KCNT1: variants seen among roughly 807,000 people sequenced by gnomAD.
KCNT1 encodes potassium channel subfamily T member 1.
Under a neutral mutation model 147.8 loss-of-function variants are expected in KCNT1, and 78 were observed. The observed-to-expected ratio is 0.53, with a 90% CI of 0.44 to 0.64. KCNT1 has a LOEUF of 0.64. KCNT1 is among the 30% of genes least tolerant of loss of function. The pLI is 0.00. For missense variants in KCNT1, 1,419 were observed against 1,750.3 expected (o/e 0.81, Z 3.38); for synonymous variants, 867 against 748.8 (o/e 1.16, Z -2.58).
chr9:135,724,186 G>C (rs941169370), intron 2 of KCNT1, among the ~76,000 whole-genome samples: 15 of 152,350 alleles, frequency 9.8e-5, no homozygotes, highest in African/African-American at 3.4e-4. Flanking sequence ...CCAGCCTCAG[G>C]GTCAGGCCTC....
chr9:135,775,449 C>A, intron 20 of KCNT1, 34 bp downstream of exon 20: 1 of 1,530,938 alleles, frequency 6.5e-7, no homozygotes, highest in Non-Finnish European at 9.0e-7. Context: ...CTCTGCACCC[C>A]CAGACGCCAG....
At chr9:135,736,581 C>G (rs1830346639) in intron 2 of KCNT1, 1 of 149,408 alleles carries the variant, frequency 6.7e-6, no homozygotes, top group African/African-American at 2.4e-5. Flanking sequence ...CCGCCCGGCG[C>G]CGCCCCCGCT....
At chr9:135,775,241 A>AGG (rs907537917) in intron 19 of KCNT1, 69 bp from the exon 20 acceptor site, 1 of 1,245,034 alleles carries the variant, frequency 8.0e-7, no homozygotes, top group Non-Finnish European at 1.1e-6. Context: ...CCCCAGCCCG[A>AGG]GGGGGGCCCC....
intron 1 of KCNT1, among the ~76,000 whole-genome samples, chr9:135,710,670 T>C (rs1835448788): frequency 6.6e-6 from 1 of 152,224 alleles, no homozygotes; most frequent in African/African-American, 2.4e-5. Flanking sequence ...CTGCTGTGGC[T>C]GGACATTGGT....
chr9:135,737,855 C>T (rs1048360850), intron 2 of KCNT1, among the ~76,000 whole-genome samples: 2 of 152,212 alleles, frequency 1.3e-5, no homozygotes, highest in African/African-American at 4.8e-5. Context: ...GTCCCATTTG[C>T]AGAAGAGGCG....
At chr9:135,779,501 C>T (rs1833448565) in intron 24 of KCNT1, 31 bp downstream of exon 24, 2 of 1,459,252 alleles carry the variant, frequency 1.4e-6, no homozygotes, top group East Asian at 2.3e-5. Context: ...CCAGCTGCCA[C>T]CCCAGAATCC....
intron 2 of KCNT1, among the ~76,000 whole-genome samples, chr9:135,749,703 G>A (rs1326577235): frequency 6.6e-6 from 1 of 152,228 alleles, no homozygotes; most frequent in African/African-American, 2.4e-5. Context: ...AGCACTTGCG[G>A]TGTCCTGAGC....
intron 2 of KCNT1, among the ~76,000 whole-genome samples, chr9:135,723,650 G>A (rs560141296): frequency 2.6e-5 from 4 of 152,342 alleles, no homozygotes; most frequent in South Asian, 2.1e-4. Flanking sequence ...AGCCCTGTCA[G>A]TAGGAAGGGG....
chr9:135,724,077 T>G (rs1276085497), intron 2 of KCNT1, among the ~76,000 whole-genome samples: 2 of 152,210 alleles, frequency 1.3e-5, no homozygotes, highest in Non-Finnish European at 2.9e-5. Context: ...CTCTGAATTT[T>G]TATCCATCAT....
At chr9:135,785,936 G>A (rs752321115) in intron 28 of KCNT1, 18 of 551,018 alleles carry the variant, frequency 3.3e-5, no homozygotes, top group Non-Finnish European at 5.7e-5. Flanking sequence ...TCAGCAGCCT[G>A]GCGAATCCCT....
At chr9:135,790,758 C>G (rs1445600847) in intron 29 of KCNT1, 1 of 152,462 alleles carries the variant, frequency 6.6e-6, no homozygotes. Flanking sequence ...CCCTGGGGTC[C>G]CCCGTCCTGG....
At position 135,786,224 on chromosome 9, in the gene KCNT1, T is replaced by G. The variant is rs781225639; in HGVS notation, c.3205T>G (p.Cys1069Gly). The change falls in exon 29 of 31, where the codon TGT becomes GGT. Residue 1069 changes from cysteine (C) to glycine (G), a missense_variant. By Grantham distance (159) the Cys-to-Gly change is radical. Around this residue, in one of 5 missense-constraint regions of KCNT1, gnomAD observed 306 missense variants for 294.2 expected, o/e 1.04. Transcript: ENST00000371757. The stretch of plus-strand genomic sequence containing the variant: ...CCAGATCTCGGTGAACGTGGAGGAC[T>G]GTGAGGACACACGGGAAGTGAAGGG... ...QSQISVNVEDCEDTREVKGPW... is the reference protein window; with the variant it reads ...QSQISVNVEDGEDTREVKGPW... The G allele has an allele frequency of 1.2e-6, 2 of 1,610,832 alleles. No individual in the cohort carries two copies. The highest frequency in any genetic ancestry group is 1.7e-6 in the Non-Finnish European group (2 of 1,179,238).
At chr9:135,769,603 G>T (rs1832603381) in intron 15 of KCNT1, among the ~76,000 whole-genome samples, 2 of 152,194 alleles carry the variant, frequency 1.3e-5, no homozygotes, top group South Asian at 4.1e-4. Flanking sequence ...CATGCCGGGT[G>T]CCCGGGGAAC....
At position 135,714,742 on chromosome 9, in the gene KCNT1, G is replaced by A; in HGVS notation, c.254+22G>A. The A allele has an allele frequency of 1.1e-5, 12 of 1,076,096 alleles. No homozygotes were observed. The highest frequency in any genetic ancestry group is 1.4e-5 in the Non-Finnish European group (12 of 832,414). 66.7% of individuals were successfully genotyped at this position (1,076,096 alleles called of 1,614,324 possible). On this transcript the variant is annotated intron_variant, in intron 2 of 30. Transcript: ENST00000371757. This position sits in a 1 kb window ranked among gnomAD's most constrained non-coding sequence, Gnocchi z 6.2. ...ACAGGTAGGGACCGGGCGCGGGGTGGGGGCTGGGGTCGCCGTCCCGGCGCC... is the reference window on the plus strand; with the variant it reads ...ACAGGTAGGGACCGGGCGCGGGGTGAGGGCTGGGGTCGCCGTCCCGGCGCC...
intron 2 of KCNT1, among the ~76,000 whole-genome samples, chr9:135,717,819 C>T (rs1355658799): frequency 6.6e-6 from 1 of 152,252 alleles, no homozygotes; most frequent in African/African-American, 2.4e-5. Context: ...CTCAGGGAGC[C>T]TGGCCTGAAG....
Position 135,784,516 on chromosome 9 carries a change from TCCCTCCC to T in KCNT1, c.2944-18_2944-12del. ...CTCCCTCCCTCCCTCCCTCCCTCCC[TCCCTCCC>T]TCCCTGGCCAGTCCTTCGTGAAGGA... On this transcript the variant is annotated splice_polypyrimidine_tract_variant and intron_variant, in intron 25 of 30. Coordinates refer to ENST00000371757, the MANE Select transcript of KCNT1 (RefSeq NM_020822.3). 2 of 164,474 alleles carry T rather than the reference TCCCTCCC, an allele frequency of 1.2e-5. No homozygotes were observed. Among genetic ancestry groups the T allele is most frequent in the South Asian group, 8.8e-5 (2 of 22,798 alleles). The allele number at this position is 164,474 out of a possible 1,614,324, so 10.2% of individuals were successfully genotyped here.
chr9:135,774,034 G>GGTGT (rs141610016), intron 19 of KCNT1, among the ~76,000 whole-genome samples: 6 of 151,674 alleles, frequency 4.0e-5, no homozygotes, highest in South Asian at 2.1e-4. Flanking sequence ...GGGTGTGTCC[G>GGTGT]GTGTGTGTGT....
chr9:135,791,853 G>T lies in KCNT1; in HGVS notation c.3559G>T (p.Asp1187Tyr), dbSNP rs142875411. 1.2e-6 allele frequency: 2 copies of T among 1,613,784 alleles called. No homozygotes were observed. Among genetic ancestry groups the T allele is most frequent in the African/African-American group, 1.3e-5 (1 of 74,874 alleles). Residue 1187 changes from aspartate to tyrosine, a missense_variant, in exon 30 of 31, where the codon GAC becomes TAC. Coordinates refer to ENST00000371757, the MANE Select transcript of KCNT1 (RefSeq NM_020822.3). ...LSYVLINPPP[D>Y]TRLEPSDIVY... ...CTACGTCCTCATCAACCCTCCGCCC[G>T]ACACGAGGCTGGAGCCCAGTGACAT...
chr9:135,768,827 A>C lies in KCNT1; in HGVS notation c.1402-2A>C. 6.2e-7 allele frequency: 1 copy of C among 1,609,944 alleles called. No individual in the cohort carries two copies. The highest frequency in any genetic ancestry group is 8.5e-7 in the Non-Finnish European group (1 of 1,178,136). ...GCACTGACCAACCACCCACCCCGCCAGGACCACCAGACCATCCTGCGCGCC... is the reference window on the plus strand; with the variant it reads ...GCACTGACCAACCACCCACCCCGCCCGGACCACCAGACCATCCTGCGCGCC... On this transcript the variant is annotated splice_acceptor_variant, in intron 14 of 30. Transcript: ENST00000371757. LOFTEE classifies it high-confidence loss of function.
Sources: allele counts gnomAD v4.1 joint callset (sites outside exome capture counted in the v4.1 genomes callset), GRCh38; gene constraint gnomAD v4.1.1; regional missense constraint gnomAD v4.1.1; non-coding constraint Gnocchi (gnomAD v3.1); transcripts MANE v1.5; gene names NCBI Gene and HGNC (gene_info 2026-07-23, HGNC 2026-07-21).